PEX7: variants seen among roughly 807,000 people sequenced by gnomAD.
PEX7 encodes peroxisomal biogenesis factor 7, also known as PTS2 receptor.
PEX7 carries 34 observed loss-of-function variants against 47.5 expected under a neutral mutation model. That is an observed-to-expected ratio of 0.72 (90% CI 0.54 to 0.95). The LOEUF (loss-of-function observed/expected upper bound fraction) is 0.95, where lower values mean the gene tolerates loss of function less well. PEX7 is among the 40% of genes least tolerant of loss of function. The pLI, the probability that PEX7 is intolerant of heterozygous loss-of-function variation, is 0.00. For missense variants in PEX7, 394 were observed against 400.3 expected, an observed-to-expected ratio of 0.98 and a Z score of 0.13; for synonymous variants, 141 against 148.8, an observed-to-expected ratio of 0.95 and a Z score of 0.38.
At chr6:136,881,674 T>C (rs1775378563) in intron 8 of PEX7, among the ~76,000 whole-genome samples, 1 of 152,172 alleles carries the variant, frequency 6.6e-6, no homozygotes, top group African/African-American at 2.4e-5. Context: ...TGTGGGAAAA[T>C]GCCTTGTTCT....
At chr6:136,878,334 ATACT>A (rs1486999618) in intron 8 of PEX7, among the ~76,000 whole-genome samples, 2 of 152,138 alleles carry the variant, frequency 1.3e-5, no homozygotes, top group Non-Finnish European at 2.9e-5. Context: ...AGAACTTCCA[ATACT>A]ATGTTGAATA....
chr6:136,883,937 A>G (rs1775423258), intron 8 of PEX7, among the ~76,000 whole-genome samples: 1 of 152,194 alleles, frequency 6.6e-6, no homozygotes, highest in African/African-American at 2.4e-5. Flanking sequence ...TTTTTTAGAA[A>G]TATAATTTTA....
chr6:136,835,637 C>A (rs1774372026), intron 3 of PEX7, among the ~76,000 whole-genome samples: 1 of 152,064 alleles, frequency 6.6e-6, no homozygotes, highest in South Asian at 2.1e-4. Context: ...GGGGCTGGAG[C>A]CAGACATCAG....
intron 8 of PEX7, among the ~76,000 whole-genome samples, chr6:136,894,887 C>G (rs1490333903): frequency 1.3e-5 from 2 of 152,176 alleles, no homozygotes; most frequent in Non-Finnish European, 2.9e-5. Context: ...ACAAACATTT[C>G]ACTTAAGAAT....
intron 9 of PEX7, among the ~76,000 whole-genome samples, chr6:136,898,716 T>TTTTTTTATTTTTAAAAATTAA (rs1452707588): frequency 2.0e-5 from 3 of 152,212 alleles, no homozygotes; most frequent in Non-Finnish European, 1.5e-5. Flanking sequence ...AAATAGAATG[T>TTTTTTTATTTTTAAAAATTAA]CTGCTATTTA....
intron 9 of PEX7, among the ~76,000 whole-genome samples, chr6:136,899,648 G>A (rs139813884): frequency 0.016 from 2,426 of 152,212 alleles, 72 homozygotes; most frequent in African/African-American, 0.056. Flanking sequence ...CCAAAGTGCT[G>A]GGATTACAGG....
chr6:136,860,813 C>T (rs1337981494), intron 5 of PEX7, among the ~76,000 whole-genome samples: 1 of 152,122 alleles, frequency 6.6e-6, no homozygotes, highest in Non-Finnish European at 1.5e-5. Context: ...TCACAATGAA[C>T]ACATCCTTGT....
At chr6:136,908,613 C>T (rs1775882444) in intron 9 of PEX7, among the ~76,000 whole-genome samples, 2 of 152,028 alleles carry the variant, frequency 1.3e-5, no homozygotes, top group Non-Finnish European at 2.9e-5. Flanking sequence ...AGCAGTAGAG[C>T]CTGGAGGCCC....
In PEX7 at chr6:136,822,741, C is replaced by T; in HGVS notation, c.76C>T (p.Pro26Ser). Residue 26 changes from proline to serine, a missense_variant, in exon 1 of 10, where the codon CCG becomes TCG. Coordinates refer to ENST00000318471, the MANE Select transcript of PEX7 (RefSeq NM_000288.4). ...CCACGGCTACGCCGCCGAGTTCTCC[C>T]CGTACCTGCCGGGCCGCCTGGCCTG... ...GRHGYAAEFS[P>S]YLPGRLACAT... is the part of the protein sequence containing the mutation. 1.3e-6 allele frequency: 2 copies of T among 1,496,786 alleles called. No individual in the cohort carries two copies. The highest frequency in any genetic ancestry group is 1.2e-5 in the South Asian group (1 of 80,490). The allele number at this position is 1,496,786 out of a possible 1,614,324, so 92.7% of individuals were successfully genotyped here.
At chr6:136,890,622 A>C (rs2115261344) in intron 8 of PEX7, among the ~76,000 whole-genome samples, 1 of 152,290 alleles carries the variant, frequency 6.6e-6, no homozygotes, top group South Asian at 2.1e-4. Context: ...TGTTAAATAA[A>C]GGAGATCCTT....
chr6:136,825,192 C>T (rs772980172), intron 1 of PEX7, 22 bp from the exon 2 acceptor site: 18 of 1,607,134 alleles, frequency 1.1e-5, no homozygotes, highest in Middle Eastern at 3.3e-4. Context: ...AAAGGGATGA[C>T]CTTGATTTTT....
At chr6:136,868,649 A>G (rs1775116497) in intron 6 of PEX7, among the ~76,000 whole-genome samples, 1 of 152,010 alleles carries the variant, frequency 6.6e-6, no homozygotes, top group Non-Finnish European at 1.5e-5. Flanking sequence ...ATTAGCTTAA[A>G]CTAAAGCCCA....
intron 8 of PEX7, among the ~76,000 whole-genome samples, chr6:136,880,853 A>T (rs890944748): frequency 2.6e-5 from 4 of 152,236 alleles, no homozygotes; most frequent in African/African-American, 9.6e-5. Context: ...GATTCATTCA[A>T]TACAAGCGGG....
At chr6:136,838,915 C>T (rs1401862451) in intron 3 of PEX7, among the ~76,000 whole-genome samples, 2 of 152,126 alleles carry the variant, frequency 1.3e-5, no homozygotes, top group Non-Finnish European at 2.9e-5. Context: ...GGTATGGTGG[C>T]TCATGCATGT....
At chr6:136,823,124 C>G in intron 1 of PEX7, 2 of 985,442 alleles carry the variant, frequency 2.0e-6, no homozygotes, top group Non-Finnish European at 2.4e-6. Flanking sequence ...GCCGGGGGAG[C>G]CTGCGCGGTC....
intron 5 of PEX7, among the ~76,000 whole-genome samples, chr6:136,860,795 G>A (rs1192542692): frequency 6.6e-6 from 1 of 151,948 alleles, no homozygotes; most frequent in South Asian, 2.1e-4. Flanking sequence ...ATACAATTTG[G>A]TGAATTCTCA....
intron 6 of PEX7, among the ~76,000 whole-genome samples, chr6:136,868,913 A>C (rs1459601994): frequency 1.3e-5 from 2 of 152,142 alleles, no homozygotes; most frequent in African/African-American, 4.8e-5. Flanking sequence ...ACATTCTTGG[A>C]TATGATTAGA....
At chr6:136,888,936 T>C (rs189799043) in intron 8 of PEX7, among the ~76,000 whole-genome samples, 62 of 152,302 alleles carry the variant, frequency 4.1e-4, no homozygotes, top group African/African-American at 1.3e-3. Flanking sequence ...ACTGACTGAC[T>C]AATAGAATGT....
intron 1 of PEX7, 43 bp downstream of exon 1, chr6:136,822,838 A>G (rs62420682): frequency 3.3e-6 from 2 of 605,500 alleles, no homozygotes; most frequent in Admixed American, 7.4e-5. Context: ...GCGGAGGCGG[A>G]GGCGGGGGCC....
Sources: gnomAD v4.1 joint callset for allele counts (sites outside exome capture counted in the v4.1 genomes callset) on GRCh38, gnomAD v4.1.1 for gene constraint, MANE v1.5 for transcripts, NCBI Gene and HGNC (gene_info 2026-07-23, HGNC 2026-07-21) for gene names.